The following CBLB variants were observed in gnomAD, a reference collection of about 807,000 sequenced individuals.
CBLB encodes the protein E3 ubiquitin-protein ligase CBL-B.
Under a neutral mutation model 104.9 loss-of-function variants are expected in CBLB, and 31 were observed. That is an observed-to-expected ratio of 0.30 (90% confidence interval 0.22 to 0.40). The LOEUF (loss-of-function observed/expected upper bound fraction) is 0.40. Ranked by LOEUF, CBLB falls within the 10% of genes least tolerant of loss-of-function variation. The pLI is 1.00. For synonymous variants in CBLB, 440 were observed against 422.6 expected, an observed-to-expected ratio of 1.04 and a Z score of -0.51; for missense variants, 1,062 against 1,214.6, an observed-to-expected ratio of 0.87 and a Z score of 1.87.
rs1440234528 is a variant in CBLB at position 105,866,497 on chromosome 3, T to C, written c.168+913A>G. On this transcript the variant is annotated intron_variant, in intron 2 of 18. Transcript: ENST00000394030. Reference sequence around the variant, plus strand: ...GGCCCCAGATATCTATGAAATAAAGTCATAATGTGTTCCAAACATTTACTA... The same window carrying C: ...GGCCCCAGATATCTATGAAATAAAGCCATAATGTGTTCCAAACATTTACTA... Among the ~76,000 whole-genome samples the C allele has an allele frequency of 2.0e-5, 3 of 152,202 alleles. 1 individual carries two copies. In the South Asian group the frequency reaches 6.2e-4, roughly 32 times the overall value.
At chr3:105,739,597 T>C (rs1323163491) in intron 7 of CBLB, among the ~76,000 whole-genome samples, 1 of 152,168 alleles carries the variant, frequency 6.6e-6, no homozygotes, top group East Asian at 1.9e-4. Context: ...GAATTCATTA[T>C]TAATCTAAAA....
chr3:105,842,393 T>C (rs967084607), intron 3 of CBLB, among the ~76,000 whole-genome samples: 2 of 152,226 alleles, frequency 1.3e-5, no homozygotes, highest in African/African-American at 4.8e-5. Flanking sequence ...AGCCAAGTTA[T>C]ACCATGTTTA....
In CBLB at chr3:105,670,349, G is replaced by C. The variant is rs373458692; in HGVS notation, c.2573C>G (p.Pro858Arg). The C allele has an allele frequency of 1.2e-5, 20 of 1,609,894 alleles. No individual in the cohort carries two copies. The highest frequency in any genetic ancestry group is 4.0e-5 in the African/African-American group (3 of 74,596). ...GQDLFLLPSD[P>R]FVDLASGQVP... ...TTGGCCACTTGCTAGATCAACAAAG[G>C]GATCTTAAAAATAAAAACAAGTTTC... Residue 858 changes from proline to arginine, a missense_variant, in exon 18 of 19, where the codon CCC (proline) becomes CGC (arginine). Transcript: ENST00000394030.
intron 4 of CBLB, among the ~76,000 whole-genome samples, chr3:105,767,224 C>CTACTGTGTA (rs1357265699): frequency 6.6e-6 from 1 of 151,990 alleles, no homozygotes; most frequent in East Asian, 1.9e-4. Context: ...CTCTTAATTT[C>CTACTGTGTA]TACTGTGTAC....
intron 4 of CBLB, among the ~76,000 whole-genome samples, chr3:105,759,949 A>G (rs1382817487): frequency 6.6e-6 from 1 of 152,210 alleles, no homozygotes; most frequent in Non-Finnish European, 1.5e-5. Flanking sequence ...GCCACTCCAG[A>G]TGGGCAGCTG....
chr3:105,787,376 T>A (rs1033312733), intron 3 of CBLB, among the ~76,000 whole-genome samples: 1 of 152,172 alleles, frequency 6.6e-6, no homozygotes, highest in Admixed American at 6.6e-5. Flanking sequence ...TAGACACAAC[T>A]CTGCCCTTCA....
At chr3:105,839,783 T>C (rs2089258236) in intron 3 of CBLB, among the ~76,000 whole-genome samples, 1 of 152,260 alleles carries the variant, frequency 6.6e-6, no homozygotes, top group South Asian at 2.1e-4. Flanking sequence ...CAAGTGTTGA[T>C]ATAATGGGGA....
At chr3:105,742,049 G>A (rs955983179) in intron 6 of CBLB, among the ~76,000 whole-genome samples, 1 of 152,138 alleles carries the variant, frequency 6.6e-6, no homozygotes. Context: ...TATCATTTAT[G>A]TATTCATTTA....
chr3:105,707,008 A>C (rs917697540), intron 10 of CBLB, among the ~76,000 whole-genome samples: 1 of 152,150 alleles, frequency 6.6e-6, no homozygotes, highest in African/African-American at 2.4e-5. Context: ...CTTTCACCCT[A>C]GATTGGATTA....
intron 4 of CBLB, among the ~76,000 whole-genome samples, chr3:105,774,615 G>A (rs1262059911): frequency 2.0e-5 from 3 of 152,096 alleles, no homozygotes; most frequent in Admixed American, 1.3e-4. Flanking sequence ...ATTTGATGTA[G>A]TAGTGATTTC....
intron 3 of CBLB, among the ~76,000 whole-genome samples, chr3:105,796,406 T>G (rs2082261020): frequency 6.6e-6 from 1 of 152,148 alleles, no homozygotes; most frequent in South Asian, 2.1e-4. Flanking sequence ...AGATTGAAAC[T>G]AGACCCTTTC....
At chr3:105,761,373 C>T (rs931605611) in intron 4 of CBLB, among the ~76,000 whole-genome samples, 3 of 152,148 alleles carry the variant, frequency 2.0e-5, no homozygotes, top group African/African-American at 2.4e-5. Context: ...TGGCTGTTTC[C>T]CCACCCAAAT....
At chr3:105,689,015 A>G (rs538419633) in intron 13 of CBLB, among the ~76,000 whole-genome samples, 2 of 152,194 alleles carry the variant, frequency 1.3e-5, no homozygotes, top group East Asian at 3.9e-4. Context: ...TTCAAATATT[A>G]GCCTTTCAGA....
At chr3:105,782,578 CTTTTTTTTTT>C (rs11333516) in intron 3 of CBLB, among the ~76,000 whole-genome samples, 3 of 137,512 alleles carry the variant, frequency 2.2e-5, no homozygotes, top group African/African-American at 2.7e-5. Context: ...CTTTTCTTTT[CTTTTTTTTTT>C]TTTTTTTTTT....
At position 105,815,640 on chromosome 3, in the gene CBLB, G is replaced by T. The variant is rs182387016; in HGVS notation, c.419+37774C>A. Among the ~76,000 whole-genome samples the T allele has an allele frequency of 2.0e-3, 304 of 152,266 alleles. 2 individuals carry two copies. Among genetic ancestry groups the T allele is most frequent in the African/African-American group, 7.1e-3 (295 of 41,540 alleles). ...CAGCCATTGTGGAAGACAGTGTGGC[G>T]ATTCCTCAAGGATATAGAACCAGAA... On this transcript the variant is annotated intron_variant, in intron 3 of 18. Coordinates refer to ENST00000394030, the MANE Select transcript of CBLB (RefSeq NM_170662.5).
At chr3:105,868,533 G>A (rs1706539675) in intron 1 of CBLB, 2 of 326,886 alleles carry the variant, frequency 6.1e-6, no homozygotes, top group South Asian at 1.5e-4. Flanking sequence ...AGTCCTCACC[G>A]CCGTCTGCCT....
chr3:105,814,948 C>T (rs2084818464), intron 3 of CBLB, among the ~76,000 whole-genome samples: 1 of 124,488 alleles, frequency 8.0e-6, no homozygotes, highest in Non-Finnish European at 1.6e-5. Flanking sequence ...GTATCTCCTG[C>T]CCCTGTGTCT....
intron 3 of CBLB, among the ~76,000 whole-genome samples, chr3:105,816,655 T>C (rs1197643239): frequency 6.6e-6 from 1 of 152,230 alleles, no homozygotes; most frequent in Admixed American, 6.5e-5. Flanking sequence ...CTACTTTACA[T>C]GTTCATGTAC....
intron 9 of CBLB, among the ~76,000 whole-genome samples, chr3:105,725,284 C>A (rs1053046031): frequency 6.6e-6 from 1 of 152,036 alleles, no homozygotes; most frequent in African/African-American, 2.4e-5. Flanking sequence ...TTGCTTGAAT[C>A]CAATTTAAAA....
Sources: allele counts gnomAD v4.1 joint callset (sites outside exome capture counted in the v4.1 genomes callset), GRCh38; gene constraint gnomAD v4.1.1; transcripts MANE v1.5; gene names NCBI Gene and HGNC (gene_info 2026-07-23, HGNC 2026-07-21).